RBFOX1: variants seen among roughly 807,000 people sequenced by gnomAD.
RBFOX1 encodes the protein RNA binding fox-1 homolog 1, also known as RNA binding protein fox-1 homolog 1.
RBFOX1 carries 8 observed loss-of-function variants against 57.7 expected under a neutral mutation model. That is an observed-to-expected ratio of 0.14 (90% CI 0.08 to 0.25). The LOEUF is 0.25. RBFOX1 is among the 10% of genes least tolerant of loss of function. The pLI, the probability that RBFOX1 is intolerant of heterozygous loss-of-function variation, is 1.00. For synonymous variants in RBFOX1, 326 were observed against 222.4 expected (o/e 1.47, Z -4.15); for missense variants, 611 against 548.5 (o/e 1.11, Z -1.14).
At chr16:5,566,400 G>A (rs1467074257) in intron 2 of RBFOX1, among the ~76,000 whole-genome samples, 1 of 152,076 alleles carries the variant, frequency 6.6e-6, no homozygotes, top group Non-Finnish European at 1.5e-5. Flanking sequence ...TATTAAATGT[G>A]ATGGAATTGA....
chr16:7,048,965 A>G (rs1390254331), intron 3 of RBFOX1, among the ~76,000 whole-genome samples: 5 of 152,082 alleles, frequency 3.3e-5, no homozygotes. Context: ...GGTGTCTCCC[A>G]TATATATATC....
intron 3 of RBFOX1, among the ~76,000 whole-genome samples, chr16:6,846,132 A>G (rs1410096379): frequency 6.6e-6 from 1 of 152,174 alleles, no homozygotes; most frequent in African/African-American, 2.4e-5. Context: ...TTCGTATATC[A>G]GACTTGTTGC....
At chr16:5,695,838 T>C (rs114646423) in intron 3 of RBFOX1, among the ~76,000 whole-genome samples, 34 of 152,310 alleles carry the variant, frequency 2.2e-4, no homozygotes, top group African/African-American at 7.5e-4. Flanking sequence ...GTAATAGATA[T>C]GTTAATTTGC....
At chr16:6,871,875 T>C (rs78865589) in intron 3 of RBFOX1, among the ~76,000 whole-genome samples, 1 of 151,590 alleles carries the variant, frequency 6.6e-6, no homozygotes, top group East Asian at 1.9e-4. Context: ...GATGGCACTT[T>C]GTCACAATCC....
intron 2 of RBFOX1, among the ~76,000 whole-genome samples, chr16:5,579,977 G>A (rs1042252364): frequency 1.3e-5 from 2 of 152,024 alleles, no homozygotes; most frequent in African/African-American, 2.4e-5. Flanking sequence ...CACCAACATG[G>A]CTGGACTGGT....
intron 1 of RBFOX1, among the ~76,000 whole-genome samples, chr16:5,318,070 G>A (rs541201757): frequency 6.6e-6 from 1 of 152,236 alleles, no homozygotes; most frequent in African/African-American, 2.4e-5. Flanking sequence ...ATGTCTGTAG[G>A]TTTGAGTTAA....
At position 5,568,209 on chromosome 16, in the gene RBFOX1, C is replaced by G. The variant is rs116081809; in HGVS notation, c.259-30693C>G. Among the ~76,000 whole-genome samples, 997 of 152,340 alleles carry G rather than the reference C, an allele frequency of 6.5e-3. 14 individuals are homozygous for G. Among genetic ancestry groups the G allele is most frequent in the African/African-American group, 0.023 (958 of 41,576 alleles). On this transcript the variant is annotated intron_variant, in intron 2 of 2. Coordinates refer to the RBFOX1 transcript ENST00000585867. The stretch of plus-strand genomic sequence containing the variant: ...TTCCTCGAATCCCCACCACACTGCA[C>G]TTCAGGTTGCAGCGTATGGGGGCCT...
At chr16:5,824,855 G>A (rs1221524734) in intron 3 of RBFOX1, among the ~76,000 whole-genome samples, 1 of 152,132 alleles carries the variant, frequency 6.6e-6, no homozygotes. Flanking sequence ...CCCGAGGTGG[G>A]CTAGGAGGTT....
chr16:5,603,120 C>G (rs1009334188), downstream of RBFOX1, among the ~76,000 whole-genome samples: 6 of 152,204 alleles, frequency 3.9e-5, no homozygotes, highest in South Asian at 4.1e-4. Flanking sequence ...TCTACTTTTT[C>G]TGACCTCCAC....
At chr16:6,233,935 G>A (rs986133589) in intron 1 of RBFOX1, among the ~76,000 whole-genome samples, 11 of 152,158 alleles carry the variant, frequency 7.2e-5, no homozygotes, top group Non-Finnish European at 1.5e-5. Context: ...GAACAGAAAT[G>A]TATTTTATCA....
intron 2 of RBFOX1, among the ~76,000 whole-genome samples, chr16:6,510,273 C>G (rs1162931801): frequency 1.3e-5 from 2 of 152,178 alleles, no homozygotes; most frequent in Non-Finnish European, 1.5e-5. Context: ...CTGCAAGCAT[C>G]TCTGAAAGCC....
chr16:6,824,427 C>G (rs1360410260), intron 3 of RBFOX1, among the ~76,000 whole-genome samples: 1 of 152,170 alleles, frequency 6.6e-6, no homozygotes, highest in Non-Finnish European at 1.5e-5. Flanking sequence ...AAACAGTTAT[C>G]TTACTGTCAA....
chr16:5,361,035 C>A (rs1455106310), intron 1 of RBFOX1, among the ~76,000 whole-genome samples: 1 of 152,148 alleles, frequency 6.6e-6, no homozygotes, highest in African/African-American at 2.4e-5. Flanking sequence ...TCTACAAATG[C>A]TAATAGACAA....
At chr16:6,233,808 C>G (rs910825855) in intron 1 of RBFOX1, among the ~76,000 whole-genome samples, 1 of 152,138 alleles carries the variant, frequency 6.6e-6, no homozygotes, top group Non-Finnish European at 1.5e-5. Flanking sequence ...CCTCCATGTT[C>G]TCTGTCACTA....
In RBFOX1 at chr16:6,898,179, T is replaced by C. The variant is rs534653891; in HGVS notation, c.-15-153878T>C. ...ATAATTGAGGTCGTAGCCAACGGCATTAAGAATGCTTACAGTCCATTGTGG... is the reference window on the plus strand; with the variant it reads ...ATAATTGAGGTCGTAGCCAACGGCACTAAGAATGCTTACAGTCCATTGTGG... On this transcript the variant is annotated intron_variant, in intron 3 of 15. Transcript: ENST00000550418. Among the ~76,000 whole-genome samples the C allele has an allele frequency of 3.3e-5, 5 of 152,278 alleles. No homozygotes were observed. In the East Asian group the frequency reaches 9.7e-4, roughly 29 times the overall value.
intron 4 of RBFOX1, among the ~76,000 whole-genome samples, chr16:7,166,516 C>G (rs1243570313): frequency 6.6e-6 from 1 of 152,186 alleles, no homozygotes; most frequent in South Asian, 2.1e-4. Flanking sequence ...GAAGAAGGAA[C>G]AGGATGGCCT....
chr16:6,954,967 G>C (rs570879343), intron 3 of RBFOX1, among the ~76,000 whole-genome samples: 21 of 151,722 alleles, frequency 1.4e-4, no homozygotes, highest in Non-Finnish European at 2.6e-4. Flanking sequence ...GTGGTGGCTC[G>C]TGCCCATAAT....
At chr16:5,493,073 A>G (rs1202128826) in intron 2 of RBFOX1, among the ~76,000 whole-genome samples, 1 of 152,326 alleles carries the variant, frequency 6.6e-6, no homozygotes, top group East Asian at 1.9e-4. Flanking sequence ...GACTTCTTTC[A>G]TGTTATGGTA....
intron 2 of RBFOX1, among the ~76,000 whole-genome samples, chr16:5,576,906 C>A (rs902244357): frequency 1.3e-5 from 2 of 152,214 alleles, no homozygotes; most frequent in Admixed American, 6.5e-5. Flanking sequence ...TTATTAAGTT[C>A]TCAGAGTGGC....
Sources: gnomAD v4.1 joint callset for allele counts (sites outside exome capture counted in the v4.1 genomes callset) on GRCh38, gnomAD v4.1.1 for gene constraint, MANE v1.5 for transcripts, NCBI Gene and HGNC (gene_info 2026-07-23, HGNC 2026-07-21) for gene names.